FLNB: variants seen among roughly 807,000 people sequenced by gnomAD.
FLNB encodes filamin-B.
FLNB carries 111 observed loss-of-function variants against 250.6 expected under a neutral mutation model. That is an observed-to-expected ratio of 0.44 (90% CI 0.38 to 0.52). The LOEUF is 0.52. Ranked by LOEUF, FLNB falls within the 20% of genes least tolerant of loss-of-function variation. The pLI is 0.00. For missense variants in FLNB, 2,869 were observed against 3,447.8 expected, an observed-to-expected ratio of 0.83 and a Z score of 4.20; for synonymous variants, 1,302 against 1,372.1, an observed-to-expected ratio of 0.95 and a Z score of 1.13.
intron 1 of FLNB, among the ~76,000 whole-genome samples, chr3:58,018,760 C>T (rs1014891651): frequency 3.3e-5 from 5 of 151,952 alleles, no homozygotes; most frequent in African/African-American, 1.2e-4. Context: ...TCAGGTAATC[C>T]GCCTGCTTTG....
At chr3:58,091,011 G>A (rs1483263773) in intron 4 of FLNB, among the ~76,000 whole-genome samples, 1 of 151,832 alleles carries the variant, frequency 6.6e-6, no homozygotes, top group Non-Finnish European at 1.5e-5. Context: ...CCGGGAGGCA[G>A]AGCTTGCAGT....
intron 2 of FLNB, chr3:58,078,428 C>T: frequency 6.5e-7 from 1 of 1,534,848 alleles, no homozygotes; most frequent in Admixed American, 2.0e-5. Flanking sequence ...CAGGCTTTTT[C>T]CAAGCTTTGT....
chr3:58,166,525 A>G (rs938523314), intron 43 of FLNB, among the ~76,000 whole-genome samples: 1 of 152,208 alleles, frequency 6.6e-6, no homozygotes, highest in African/African-American at 2.4e-5. Flanking sequence ...ACTTCACTTT[A>G]AAAATATCTT....
chr3:58,134,407 A>T (rs1257661666), intron 26 of FLNB, among the ~76,000 whole-genome samples: 2 of 152,202 alleles, frequency 1.3e-5, no homozygotes, highest in African/African-American at 4.8e-5. Flanking sequence ...GCCTTGGAAC[A>T]CACTCAGGAC....
At chr3:58,135,502 C>G (rs2097314442) in intron 27 of FLNB, among the ~76,000 whole-genome samples, 1 of 152,164 alleles carries the variant, frequency 6.6e-6, no homozygotes, top group South Asian at 2.1e-4. Context: ...CTTAAGCAGC[C>G]CTGCCAAAAG....
chr3:58,083,374 T>G (rs894933207), intron 4 of FLNB, among the ~76,000 whole-genome samples: 13 of 147,430 alleles, frequency 8.8e-5, no homozygotes, highest in Non-Finnish European at 1.9e-4. Context: ...AGTCTTTTTT[T>G]TTTTTTTTTT....
rs377651340 is a variant in FLNB at position 58,098,778 on chromosome 3, C to T, written c.1215C>T (p.Leu405=). Residue 405 remains leucine (L), a synonymous_variant, in exon 8 of 46, where the codon CTC becomes CTT. Transcript: ENST00000295956. ...DPQGKNTVEL[L]VEDKGNQVYR... ...AGGGGAAGAACACCGTGGAGTTGCT[C>T]GTGGAAGACAAAGGAAACCAGGTGT... 67 of 1,614,102 alleles carry T rather than the reference C, an allele frequency of 4.2e-5. No individual in the cohort carries two copies. The highest frequency in any genetic ancestry group is 1.1e-4 in the African/African-American group (8 of 74,996).
intron 1 of FLNB, among the ~76,000 whole-genome samples, chr3:58,026,629 G>A (rs1436681616): frequency 2.0e-5 from 3 of 152,244 alleles, no homozygotes; most frequent in Admixed American, 1.3e-4. Flanking sequence ...CAGTATTTTC[G>A]GTTCTCTTGA....
At position 58,056,684 on chromosome 3, in the gene FLNB, C is replaced by T. The variant is rs546265458; in HGVS notation, c.293-20362C>T. Among the ~76,000 whole-genome samples the T allele has an allele frequency of 1.2e-4, 18 of 152,128 alleles. No homozygotes were observed. In the South Asian group the frequency reaches 1.2e-3, roughly 11 times the overall value. On this transcript the variant is annotated intron_variant, in intron 1 of 45. Transcript: ENST00000295956. ...TGGCATGACCTCGGCTCACTGCAGT[C>T]GCCGCCTCCTGGGTTCAAGCCTCAG...
intron 1 of FLNB, among the ~76,000 whole-genome samples, chr3:58,018,885 G>T (rs1347092579): frequency 6.9e-6 from 1 of 145,628 alleles, no homozygotes; most frequent in Non-Finnish European, 1.5e-5. Context: ...TATAATCACA[G>T]CACTTTGGAA....
chr3:58,066,159 CATT>C (rs1395421197), intron 1 of FLNB, among the ~76,000 whole-genome samples: 2 of 151,812 alleles, frequency 1.3e-5, no homozygotes, highest in African/African-American at 4.8e-5. Context: ...TTGCTTTGAC[CATT>C]TTGGAGTGTC....
chr3:58,171,673 C>T lies in FLNB; in HGVS notation c.*911C>T, dbSNP rs1390775114. 1 of 152,366 alleles carries T rather than the reference C, an allele frequency of 6.6e-6. No individual in the cohort carries two copies. The highest frequency in any genetic ancestry group is 2.4e-5 in the African/African-American group (1 of 41,458). The allele number at this position is 152,366 out of a possible 1,614,324, so 9.4% of individuals were successfully genotyped here. A position where few individuals can be genotyped will look rare whatever the true frequency, so the allele number is the denominator to read the frequency against. The stretch of plus-strand genomic sequence containing the variant: ...CTCAGAGGGGCCCATGGATTAACGC[C>T]CTCATCCCAAGGTCCGTCCCATGAC... On this transcript the variant is annotated 3_prime_UTR_variant, in exon 46 of 46. Coordinates refer to ENST00000295956, the MANE Select transcript of FLNB (RefSeq NM_001457.4). The surrounding 1 kb of genome is among the most constrained non-coding windows in gnomAD (Gnocchi z 5.5).
At position 58,124,316 on chromosome 3, in the gene FLNB, T is replaced by C. The variant is rs746199953; in HGVS notation, c.3725-16T>C. 2 of 1,614,164 alleles carry C rather than the reference T, an allele frequency of 1.2e-6. No homozygotes were observed. Among genetic ancestry groups the C allele is most frequent in the Admixed American group, 1.7e-5 (1 of 60,030 alleles). On this transcript the variant is annotated splice_polypyrimidine_tract_variant and intron_variant, in intron 21 of 45. Transcript: ENST00000295956. ...GGGGTACTGGTGGCAGTGTTAGCTA[T>C]GTGCTTGCTCTGCAGATGTGTTCCG...
intron 29 of FLNB, among the ~76,000 whole-genome samples, chr3:58,140,961 T>C (rs1476010066): frequency 6.6e-6 from 1 of 152,156 alleles, no homozygotes. Flanking sequence ...TTTAGAAACA[T>C]TAACTGCTGA....
chr3:58,082,585 A>G (rs1431902050), intron 4 of FLNB, among the ~76,000 whole-genome samples: 4 of 152,172 alleles, frequency 2.6e-5, no homozygotes, highest in African/African-American at 9.7e-5. Context: ...AGCCTGGCCA[A>G]CATGGTGAAA....
In FLNB at chr3:58,150,206, G is replaced by C; in HGVS notation, c.6346G>C (p.Asp2116His). ...PSVATVGSIC[D>H]LNLKIPEINS... ...CGTGGCCACTGTCGGGAGCATTTGT[G>C]ACCTGAACCTGAAAATCCCAGGTGG... Residue 2116 changes from aspartate (D) to histidine (H), a missense_variant, in exon 38 of 46, where the codon GAC (aspartate) becomes CAC (histidine). Around this residue, in one of 5 missense-constraint regions of FLNB, gnomAD observed 1,084 missense variants for 1,315.5 expected, o/e 0.82. Transcript: ENST00000295956. 6.2e-7 allele frequency: 1 copy of C among 1,614,224 alleles called. No individual in the cohort carries two copies. The highest frequency in any genetic ancestry group is 8.5e-7 in the Non-Finnish European group (1 of 1,180,046).
chr3:58,115,320 A>T (rs1035765591), intron 18 of FLNB, among the ~76,000 whole-genome samples: 1 of 152,232 alleles, frequency 6.6e-6, no homozygotes, highest in Non-Finnish European at 1.5e-5. Flanking sequence ...GTCTGCGTAC[A>T]ATGACTGGGA....
At chr3:58,049,770 G>A (rs12494328) in intron 1 of FLNB, among the ~76,000 whole-genome samples, 29,279 of 152,188 alleles carry the variant, frequency 0.19, 3,785 homozygotes, top group East Asian at 0.44. Flanking sequence ...AGCTGCAAAG[G>A]GGGTGTCAGG....
In FLNB at chr3:58,134,735, G is replaced by A. The variant is rs760317090; in HGVS notation, c.4634G>A (p.Arg1545Gln). The A allele has an allele frequency of 7.4e-6, 12 of 1,614,174 alleles. No homozygotes were observed. The highest frequency in any genetic ancestry group is 4.4e-5 in the South Asian group (4 of 91,088). ...CCTGTGGACTTTGCAATTGATGCCC[G>A]AGATGCCGGGGAAGGCCTGCTTGCT... Reference protein sequence around the residue: ...SLPVDFAIDARDAGEGLLAVQ... With the variant: ...SLPVDFAIDAQDAGEGLLAVQ... Residue 1545 changes from arginine (R) to glutamine (Q), a missense_variant, in exon 27 of 46, where the codon CGA (arginine) becomes CAA (glutamine). Coordinates refer to ENST00000295956, the MANE Select transcript of FLNB (RefSeq NM_001457.4).
Sources: allele counts gnomAD v4.1 joint callset (sites outside exome capture counted in the v4.1 genomes callset), GRCh38; gene constraint gnomAD v4.1.1; regional missense constraint gnomAD v4.1.1; non-coding constraint Gnocchi (gnomAD v3.1); transcripts MANE v1.5; gene names NCBI Gene and HGNC (gene_info 2026-07-23, HGNC 2026-07-21).